RBP7: variants seen among roughly 807,000 people sequenced by gnomAD.
RBP7 encodes the protein retinoid-binding protein 7.
A neutral mutation model predicts 16.7 loss-of-function variants in RBP7; 13 were observed. That is an observed-to-expected ratio of 0.78 (90% CI 0.51 to 1.24). RBP7 has a LOEUF of 1.24. Among genes scored for constraint, RBP7 ranks in the 50% most tolerant of loss-of-function variants. The pLI is 0.00. For synonymous variants in RBP7, 54 were observed against 56.2 expected (o/e 0.96, Z 0.17); for missense variants, 145 against 159.5 (o/e 0.91, Z 0.49).
intron 3 of RBP7, among the ~76,000 whole-genome samples, chr1:10,009,280 C>T (rs1282358879): frequency 6.6e-6 from 1 of 151,996 alleles, no homozygotes; most frequent in Non-Finnish European, 1.5e-5. Flanking sequence ...CATGGTGGCA[C>T]ATGTCTGTAA....
At chr1:10,012,514 G>C (rs1642652849) in intron 3 of RBP7, among the ~76,000 whole-genome samples, 2 of 152,122 alleles carry the variant, frequency 1.3e-5, no homozygotes, top group Admixed American at 1.3e-4. Context: ...CACAACAGCT[G>C]GGTGTGGTGG....
intron 3 of RBP7, among the ~76,000 whole-genome samples, chr1:10,015,405 C>A (rs1642747765): frequency 6.8e-6 from 1 of 148,076 alleles, no homozygotes; most frequent in South Asian, 2.1e-4. Context: ...GCCAAGATTG[C>A]ACCACTGCAC....
Position 9,998,446 on chromosome 1 carries a change from T to G in RBP7, c.73+1115T>G, listed in dbSNP as rs552561910. 2.0e-5 allele frequency among the ~76,000 whole-genome samples: 3 copies of G among 146,974 alleles called. No individual in the cohort carries two copies. The East Asian group carries it at 6.0e-4, about 30-fold the overall frequency. On this transcript the variant is annotated intron_variant, in intron 1 of 3. Transcript: ENST00000294435. ...TTTTTGAGACGGAGTCTCGCTCTGTTGCCCAGGCTGGAGTGCAGTAGTACG... is the reference window on the plus strand; with the variant it reads ...TTTTTGAGACGGAGTCTCGCTCTGTGGCCCAGGCTGGAGTGCAGTAGTACG...
chr1:10,015,219 A>T (rs1436328573), intron 3 of RBP7, among the ~76,000 whole-genome samples: 1 of 152,074 alleles, frequency 6.6e-6, no homozygotes, highest in Non-Finnish European at 1.5e-5. Context: ...AGGCGGGCAG[A>T]TCATGAGGTC....
At chr1:10,012,162 G>A (rs1642640095) in intron 3 of RBP7, among the ~76,000 whole-genome samples, 2 of 144,940 alleles carry the variant, frequency 1.4e-5, no homozygotes, top group African/African-American at 5.1e-5. Flanking sequence ...GGTGAGCCGA[G>A]ATTGCACCAT....
rs151267380 is a variant in RBP7 at position 10,007,658 on chromosome 1, G to A, written c.162G>A (p.Thr54=). 3.1e-4 allele frequency: 493 copies of A among 1,613,918 alleles called. 2 individuals carry two copies. Among genetic ancestry groups the A allele is most frequent in the Middle Eastern group, 1.6e-3 (10 of 6,062 alleles). The change falls in exon 2 of 4, where the codon ACG becomes ACA. Residue 54 remains threonine, a synonymous_variant. Coordinates refer to ENST00000294435, the MANE Select transcript of RBP7 (RefSeq NM_052960.3). ...ATGGGGATTCTTTTACCATCCACACGAACAGCAGCCTAAGGAACTACTTTG... is the reference window on the plus strand; with the variant it reads ...ATGGGGATTCTTTTACCATCCACACAAACAGCAGCCTAAGGAACTACTTTG... ...EQNGDSFTIH[T]NSSLRNYFVK...
In RBP7 at chr1:10,008,199, G is replaced by C; in HGVS notation, c.279G>C (p.Arg93Ser). The C allele has an allele frequency of 1.9e-6, 3 of 1,612,658 alleles. No individual in the cohort carries two copies. Among genetic ancestry groups the C allele is most frequent in the Non-Finnish European group, 2.5e-6 (3 of 1,178,932 alleles). The change falls in exon 3 of 4, where the codon AGG becomes AGC. Residue 93 changes from arginine to serine, a missense_variant. By Grantham distance (110) the Arg-to-Ser change is moderately radical. Transcript: ENST00000294435. ...GTTTGGTTATCTGGGACAATGACAG[G>C]CTCACCTGTATCCAGAAGGGAGAAA... ...CKSLVIWDND[R>S]LTCIQKGEKK...
At chr1:10,014,744 T>C (rs1448302654) in intron 3 of RBP7, among the ~76,000 whole-genome samples, 1 of 152,148 alleles carries the variant, frequency 6.6e-6, no homozygotes, top group Non-Finnish European at 1.5e-5. Context: ...AAAGGGACTT[T>C]CTGAGTTTTG....
At chr1:10,007,809 G>A in intron 2 of RBP7, 61 bp downstream of exon 2, 2 of 1,482,434 alleles carry the variant, frequency 1.3e-6, no homozygotes, top group South Asian at 2.5e-5. Flanking sequence ...CACTTTGGGA[G>A]GCCAACGCAG....
chr1:10,000,449 G>T (rs141577932), intron 1 of RBP7, among the ~76,000 whole-genome samples: 1 of 151,566 alleles, frequency 6.6e-6, no homozygotes, highest in Non-Finnish European at 1.5e-5. Context: ...CACGAGAATC[G>T]CTTGAACCTG....
chr1:10,002,162 T>TC (rs1212108774), intron 1 of RBP7, among the ~76,000 whole-genome samples: 1 of 152,142 alleles, frequency 6.6e-6, no homozygotes, highest in African/African-American at 2.4e-5. Context: ...CTTCTTGCCT[T>TC]CAACCCACAT....
intron 3 of RBP7, among the ~76,000 whole-genome samples, chr1:10,010,968 A>T (rs1642600003): frequency 6.6e-6 from 1 of 152,148 alleles, no homozygotes; most frequent in Admixed American, 6.6e-5. Flanking sequence ...ACCTCAGGTG[A>T]TCTGCCCGCC....
At chr1:10,013,588 C>T (rs1056256751) in intron 3 of RBP7, among the ~76,000 whole-genome samples, 5 of 151,976 alleles carry the variant, frequency 3.3e-5, no homozygotes, top group Non-Finnish European at 2.9e-5. Context: ...GCAGGTGGAT[C>T]ATCTGACGTT....
intron 1 of RBP7, among the ~76,000 whole-genome samples, chr1:10,000,729 C>T (rs371625644): frequency 9.9e-5 from 15 of 151,826 alleles, no homozygotes; most frequent in Non-Finnish European, 1.9e-4. Context: ...AATAAATGAT[C>T]GCCTCTTTTT....
chr1:10,004,789 A>T (rs1642393181), intron 1 of RBP7, among the ~76,000 whole-genome samples: 1 of 152,178 alleles, frequency 6.6e-6, no homozygotes. Context: ...AATAATAGGA[A>T]ATGAGCCTGA....
intron 1 of RBP7, among the ~76,000 whole-genome samples, chr1:9,998,407 C>CTTTCTTTCTTTCTTT (rs1553129444): frequency 8.2e-6 from 1 of 121,588 alleles, no homozygotes; most frequent in Non-Finnish European, 1.6e-5. Flanking sequence ...TTCTTTCTTT[C>CTTTCTTTCTTTCTTT]TTTTTTTTTT....
At chr1:10,006,760 T>TAGAG (rs1218331363) in intron 1 of RBP7, among the ~76,000 whole-genome samples, 5 of 148,252 alleles carry the variant, frequency 3.4e-5, no homozygotes, top group African/African-American at 7.7e-5. Flanking sequence ...TGTATATATA[T>TAGAG]ATATAGAGAG....
Position 10,007,756 on chromosome 1 carries a change from G to A in RBP7, c.252+8G>A, listed in dbSNP as rs372787644. On this transcript the variant is annotated splice_region_variant and intron_variant, in intron 2 of 3. Coordinates refer to ENST00000294435, the MANE Select transcript of RBP7 (RefSeq NM_052960.3). ...GACAACAGAAAATGCAAGGTAAAATGTAAAGAAATGCCAGGTGCGGTGGAT... is the reference window on the plus strand; with the variant it reads ...GACAACAGAAAATGCAAGGTAAAATATAAAGAAATGCCAGGTGCGGTGGAT... 1.4e-5 allele frequency: 22 copies of A among 1,609,902 alleles called. No homozygotes were observed. Among genetic ancestry groups the A allele is most frequent in the Non-Finnish European group, 1.8e-5 (21 of 1,178,556 alleles).
At chr1:10,014,944 T>A (rs560958289) in intron 3 of RBP7, among the ~76,000 whole-genome samples, 1 of 152,090 alleles carries the variant, frequency 6.6e-6, no homozygotes, top group African/African-American at 2.4e-5. Context: ...CCAAATTAAA[T>A]TGGCTTACTG....
Sources: allele counts gnomAD v4.1 joint callset (sites outside exome capture counted in the v4.1 genomes callset), GRCh38; gene constraint gnomAD v4.1.1; transcripts MANE v1.5; gene names NCBI Gene and HGNC (gene_info 2026-07-23, HGNC 2026-07-21).